Variants in PRKG1 observed in about 807,000 individuals in gnomAD.
PRKG1 encodes cGMP-dependent protein kinase 1.
A neutral mutation model predicts 88.1 loss-of-function variants in PRKG1; 35 were observed. That is an observed-to-expected ratio of 0.40 (90% CI 0.30 to 0.53). The LOEUF (loss-of-function observed/expected upper bound fraction) is 0.53. Among genes scored for constraint, PRKG1 ranks in the 20% least tolerant of loss-of-function variants. The probability of loss-of-function intolerance (pLI) is 0.59; values close to 1 mark genes in which losing one functional copy is unlikely to be tolerated. For missense variants in PRKG1, 540 were observed against 839.8 expected, an observed-to-expected ratio of 0.64 and a Z score of 4.41; for synonymous variants, 303 against 292.5, an observed-to-expected ratio of 1.04 and a Z score of -0.37.
chr10:51,839,290 T>C (rs1037834597), intron 4 of PRKG1, among the ~76,000 whole-genome samples: 1 of 152,230 alleles, frequency 6.6e-6, no homozygotes, highest in Admixed American at 6.5e-5. Flanking sequence ...TTCCTGTTGC[T>C]GTACTTTTCA....
intron 1 of PRKG1, among the ~76,000 whole-genome samples, chr10:51,140,298 A>C (rs1385958624): frequency 6.6e-6 from 1 of 152,038 alleles, no homozygotes; most frequent in Admixed American, 6.5e-5. Context: ...TACTACTAAA[A>C]TTTTAGCTGA....
intron 5 of PRKG1, among the ~76,000 whole-genome samples, chr10:52,038,594 A>G (rs1845676831): frequency 6.6e-6 from 1 of 152,078 alleles, no homozygotes; most frequent in Non-Finnish European, 1.5e-5. Flanking sequence ...CTCCCCCAGA[A>G]AAGCAGAGAA....
intron 3 of PRKG1, among the ~76,000 whole-genome samples, chr10:51,649,567 TC>T: frequency 6.6e-6 from 1 of 152,334 alleles, no homozygotes; most frequent in African/African-American, 2.4e-5. Context: ...CATATTCGTG[TC>T]ACCGATAGAG....
intron 5 of PRKG1, among the ~76,000 whole-genome samples, chr10:52,037,944 C>A (rs1270127074): frequency 6.6e-6 from 1 of 152,138 alleles, no homozygotes; most frequent in Non-Finnish European, 1.5e-5. Flanking sequence ...GGATGAGTGG[C>A]ACTGGGCACA....
intron 4 of PRKG1, among the ~76,000 whole-genome samples, chr10:51,884,756 T>A (rs1186238689): frequency 6.6e-6 from 1 of 152,162 alleles, no homozygotes; most frequent in Non-Finnish European, 1.5e-5. Context: ...GGTGGTTGGC[T>A]TTTAAGGATG....
chr10:52,149,666 G>A (rs1837846586), intron 8 of PRKG1, among the ~76,000 whole-genome samples: 1 of 152,068 alleles, frequency 6.6e-6, no homozygotes, highest in Non-Finnish European at 1.5e-5. Context: ...CAAACCTGGT[G>A]GCTCCTTGAT....
rs998353825 is a variant in PRKG1, at chr10:51,155,167, G to T, written c.478+1837G>T. On this transcript the variant is annotated intron_variant, in intron 2 of 17. Transcript: ENST00000373980. ...AATTTTGAACACCTGTGGATTCAAT[G>T]TTCCTTCATCTTAAATATTTCTTAC... Among the ~76,000 whole-genome samples, 25 of 152,048 alleles carry T rather than the reference G, an allele frequency of 1.6e-4. No homozygotes were observed. In the Middle Eastern group the frequency reaches 0.01, roughly 62 times the overall value.
chr10:51,511,039 G>A (rs1249334238), intron 3 of PRKG1, among the ~76,000 whole-genome samples: 2 of 151,702 alleles, frequency 1.3e-5, no homozygotes, highest in South Asian at 2.1e-4. Flanking sequence ...GGCGTGAGCC[G>A]CTGCGCCTGG....
Position 51,702,811 on chromosome 10 carries a change from C to T in PRKG1, c.593-101774C>T, listed in dbSNP as rs549970090. The stretch of plus-strand genomic sequence containing the variant: ...TCCTGAGCTCAAGCAATTCTCCTGC[C>T]TTAGCCTCCCGAGTAAAGACTACAG... On this transcript the variant is annotated intron_variant, in intron 3 of 17. Transcript: ENST00000373980. 9.9e-5 allele frequency among the ~76,000 whole-genome samples: 15 copies of T among 152,200 alleles called. No homozygotes were observed. The South Asian group carries it at 3.1e-3, about 32-fold the overall frequency.
chr10:51,377,372 C>T (rs1414814131), intron 2 of PRKG1, among the ~76,000 whole-genome samples: 1 of 152,158 alleles, frequency 6.6e-6, no homozygotes, highest in Non-Finnish European at 1.5e-5. Flanking sequence ...ATGATAGGAG[C>T]TCAGTAAATG....
At chr10:51,778,753 T>C (rs1056325569) in intron 3 of PRKG1, among the ~76,000 whole-genome samples, 1 of 152,146 alleles carries the variant, frequency 6.6e-6, no homozygotes, top group Non-Finnish European at 1.5e-5. Flanking sequence ...TGTGGGAAAG[T>C]TTTTCCTTCT....
intron 4 of PRKG1, among the ~76,000 whole-genome samples, chr10:51,828,579 C>T (rs16923777): frequency 0.092 from 13,984 of 152,112 alleles, 708 homozygotes; most frequent in African/African-American, 0.11. Flanking sequence ...TTCTGTGGCT[C>T]TTGGTGTAAA....
chr10:51,952,663 T>C (rs1375741510), intron 5 of PRKG1, among the ~76,000 whole-genome samples: 1 of 152,136 alleles, frequency 6.6e-6, no homozygotes, highest in Non-Finnish European at 1.5e-5. Context: ...GAAGTAGAGA[T>C]TAAAGGAGGC....
chr10:51,513,492 G>A (rs4375388), intron 3 of PRKG1, among the ~76,000 whole-genome samples: 53,883 of 104,364 alleles, frequency 0.52, 15,762 homozygotes, highest in Non-Finnish European at 0.67. Context: ...TGCACCAAGC[G>A]GACCTAATAG....
At chr10:52,025,278 C>G (rs1208167015) in intron 5 of PRKG1, among the ~76,000 whole-genome samples, 1 of 151,986 alleles carries the variant, frequency 6.6e-6, no homozygotes, top group African/African-American at 2.4e-5. Flanking sequence ...CTGTAGGTTG[C>G]CTGTTCATTC....
chr10:51,176,338 G>A (rs1837190879), intron 2 of PRKG1, among the ~76,000 whole-genome samples: 1 of 152,048 alleles, frequency 6.6e-6, no homozygotes, highest in South Asian at 2.1e-4. Context: ...TTGCCCGTCA[G>A]GTGCAGAGGG....
chr10:52,023,574 C>A (rs898742411), intron 5 of PRKG1, among the ~76,000 whole-genome samples: 1 of 152,140 alleles, frequency 6.6e-6, no homozygotes, highest in Non-Finnish European at 1.5e-5. Flanking sequence ...CTCTCCAGCA[C>A]CTGTTGTTTC....
intron 2 of PRKG1, among the ~76,000 whole-genome samples, chr10:51,174,266 G>C (rs1051114649): frequency 6.6e-6 from 1 of 151,900 alleles, no homozygotes. Flanking sequence ...TTCATTCTCT[G>C]TAAAATAATT....
At chr10:51,946,970 G>T (rs1462783436) in intron 5 of PRKG1, among the ~76,000 whole-genome samples, 2 of 152,042 alleles carry the variant, frequency 1.3e-5, no homozygotes, top group African/African-American at 4.8e-5. Context: ...TGCATGCTGG[G>T]AGAACCACTG....
Sources: allele counts gnomAD v4.1 joint callset (sites outside exome capture counted in the v4.1 genomes callset), GRCh38; gene constraint gnomAD v4.1.1; transcripts MANE v1.5; gene names NCBI Gene and HGNC (gene_info 2026-07-23, HGNC 2026-07-21).